EDIL3: variants seen among roughly 807,000 people sequenced by gnomAD.
The protein encoded by EDIL3 is EGF-like repeat and discoidin I-like domain-containing protein 3.
EDIL3 carries 37 observed loss-of-function variants against 67.4 expected under a neutral mutation model. That is an observed-to-expected ratio of 0.55 (90% confidence interval 0.42 to 0.72). The LOEUF is 0.72. Among genes scored for constraint, EDIL3 ranks in the 30% least tolerant of loss-of-function variants. The pLI is 0.00. For missense variants in EDIL3, 527 were observed against 586.3 expected, an observed-to-expected ratio of 0.90 and a Z score of 1.04; for synonymous variants, 195 against 196.3, an observed-to-expected ratio of 0.99 and a Z score of 0.05.
chr5:84,057,350 T>A (rs1746465900), intron 9 of EDIL3, among the ~76,000 whole-genome samples: 1 of 152,028 alleles, frequency 6.6e-6, no homozygotes, highest in Non-Finnish European at 1.5e-5. Context: ...TTGCAATCCC[T>A]TTATGTGGAT....
At chr5:84,278,998 G>A (rs992060616) in intron 1 of EDIL3, among the ~76,000 whole-genome samples, 8 of 150,868 alleles carry the variant, frequency 5.3e-5, no homozygotes, top group African/African-American at 1.9e-4. Flanking sequence ...TTGTTACCTT[G>A]GTAAAATCCT....
chr5:84,291,781 A>AT (rs1745927831), intron 1 of EDIL3, among the ~76,000 whole-genome samples: 1 of 146,930 alleles, frequency 6.8e-6, no homozygotes, highest in Non-Finnish European at 1.5e-5. Flanking sequence ...TATATCATAT[A>AT]CAGATATATA....
chr5:83,987,778 A>T (rs899130617), intron 9 of EDIL3, among the ~76,000 whole-genome samples: 4 of 151,904 alleles, frequency 2.6e-5, no homozygotes, highest in Admixed American at 6.6e-5. Context: ...TACATATTCA[A>T]CAGAGACTGA....
At chr5:84,011,827 C>T (rs1390396816) in intron 9 of EDIL3, among the ~76,000 whole-genome samples, 1 of 152,056 alleles carries the variant, frequency 6.6e-6, no homozygotes, top group Non-Finnish European at 1.5e-5. Context: ...GAGAGGTGGC[C>T]CCTCTGACTA....
At position 84,215,240 on chromosome 5, in the gene EDIL3, A is replaced by G. The variant is rs556670540; in HGVS notation, c.226+14615T>C. On this transcript the variant is annotated intron_variant, in intron 3 of 10. Transcript: ENST00000296591. The stretch of plus-strand genomic sequence containing the variant: ...GCCTGGACAGAAATAAATAAGCTAC[A>G]TAAGTAAGATGAGCAGATTTTTTTT... 2.0e-5 allele frequency among the ~76,000 whole-genome samples: 3 copies of G among 152,228 alleles called. No individual in the cohort carries two copies. In the South Asian group the frequency reaches 6.2e-4, roughly 32 times the overall value.
intron 1 of EDIL3, among the ~76,000 whole-genome samples, chr5:84,374,631 C>T (rs1193754909): frequency 1.3e-5 from 2 of 152,072 alleles, no homozygotes; most frequent in African/African-American, 4.8e-5. Context: ...CTCTGGGTCC[C>T]CACCCAAATA....
At chr5:84,298,872 G>A (rs570195545) in intron 1 of EDIL3, among the ~76,000 whole-genome samples, 4 of 152,174 alleles carry the variant, frequency 2.6e-5, no homozygotes, top group East Asian at 1.9e-4. Flanking sequence ...ATGCTGATTC[G>A]GTCTTTTGTG....
intron 9 of EDIL3, among the ~76,000 whole-genome samples, chr5:84,056,696 T>C (rs1746454049): frequency 1.3e-5 from 2 of 151,984 alleles, no homozygotes; most frequent in Admixed American, 6.6e-5. Context: ...AAAAGACATT[T>C]TTTAAAAAAA....
At chr5:84,070,722 C>CTACT (rs1464420426) in intron 6 of EDIL3, among the ~76,000 whole-genome samples, 4 of 151,554 alleles carry the variant, frequency 2.6e-5, no homozygotes, top group Admixed American at 6.6e-5. Context: ...CTAGCATGGG[C>CTACT]TACTGGTCCT....
chr5:83,943,280 T>TA lies in EDIL3; in HGVS notation c.*138dup. The TA allele has an allele frequency of 8.7e-7, 1 of 1,154,086 alleles. No homozygotes were observed. The highest frequency in any genetic ancestry group is 1.2e-6 in the Non-Finnish European group (1 of 822,806). The allele number at this position is 1,154,086 out of a possible 1,614,324, so 71.5% of individuals were successfully genotyped here. On this transcript the variant is annotated 3_prime_UTR_variant, in exon 11 of 11. Transcript: ENST00000296591. ...GCTTAGACCCCCTTAAAAACACCGTTAGTTGCCTACCATAATTTGAGCACT... is the reference window on the plus strand; with the variant it reads ...GCTTAGACCCCCTTAAAAACACCGTTAAGTTGCCTACCATAATTTGAGCACT...
chr5:84,359,829 A>C (rs1747561937), intron 1 of EDIL3, among the ~76,000 whole-genome samples: 1 of 152,160 alleles, frequency 6.6e-6, no homozygotes, highest in Admixed American at 6.5e-5. Flanking sequence ...GGTGTAGCCA[A>C]CTGCAGTCAG....
At chr5:84,232,905 T>G (rs1021440186) in intron 2 of EDIL3, among the ~76,000 whole-genome samples, 2 of 152,176 alleles carry the variant, frequency 1.3e-5, no homozygotes, top group Non-Finnish European at 2.9e-5. Context: ...AAAGTGGGCA[T>G]TAGTTGCCTT....
At chr5:84,123,823 G>C (rs138654139) in intron 5 of EDIL3, among the ~76,000 whole-genome samples, 97 of 151,940 alleles carry the variant, frequency 6.4e-4, no homozygotes, top group African/African-American at 2.2e-3. Context: ...TGGAAGCAGT[G>C]GAGGTGTGAC....
chr5:84,168,853 C>A (rs1045044576), intron 4 of EDIL3, among the ~76,000 whole-genome samples: 6 of 152,138 alleles, frequency 3.9e-5, no homozygotes, highest in African/African-American at 1.4e-4. Context: ...TTCATTTACT[C>A]CCTTGCTGTC....
At chr5:84,235,688 T>C (rs2112050599) in intron 2 of EDIL3, among the ~76,000 whole-genome samples, 1 of 152,212 alleles carries the variant, frequency 6.6e-6, no homozygotes. Flanking sequence ...CAGTCATTTG[T>C]ATTAAATAAA....
At chr5:84,246,271 T>C (rs3822633) in intron 2 of EDIL3, among the ~76,000 whole-genome samples, 91,478 of 152,072 alleles carry the variant, frequency 0.6, 27,798 homozygotes, top group East Asian at 0.82. Context: ...CAAGCCGAGA[T>C]TTGAAAAGTG....
intron 9 of EDIL3, among the ~76,000 whole-genome samples, chr5:84,015,942 G>T (rs1745596949): frequency 6.6e-6 from 1 of 151,982 alleles, no homozygotes; most frequent in Admixed American, 6.6e-5. Flanking sequence ...TGTTACACAG[G>T]TCAACTTACT....
intron 3 of EDIL3, among the ~76,000 whole-genome samples, chr5:84,225,322 G>T (rs999870719): frequency 6.6e-6 from 1 of 151,586 alleles, no homozygotes; most frequent in African/African-American, 2.4e-5. Flanking sequence ...TATTTGCAAG[G>T]CAATTTAGAA....
chr5:84,319,559 T>A (rs565068612), intron 1 of EDIL3, among the ~76,000 whole-genome samples: 1 of 123,886 alleles, frequency 8.1e-6, no homozygotes, highest in African/African-American at 3.1e-5. Flanking sequence ...GGTGGGAGTG[T>A]AAATTAGTTC....
Sources: gnomAD v4.1 joint callset for allele counts (sites outside exome capture counted in the v4.1 genomes callset) on GRCh38, gnomAD v4.1.1 for gene constraint, MANE v1.5 for transcripts, NCBI Gene and HGNC (gene_info 2026-07-23, HGNC 2026-07-21) for gene names.